The following PPP2R5C variants were observed in gnomAD, a reference collection of about 807,000 sequenced individuals.
The protein encoded by PPP2R5C is protein phosphatase 2 regulatory subunit B'gamma.
A neutral mutation model predicts 68.9 loss-of-function variants in PPP2R5C; 7 were observed. The ratio of observed to expected loss-of-function variants is 0.10; its 90% confidence interval spans 0.06 to 0.19. The LOEUF is 0.19. Ranked by LOEUF, PPP2R5C falls within the 10% of genes least tolerant of loss-of-function variation. The pLI, the probability that PPP2R5C is intolerant of heterozygous loss-of-function variation, is 1.00. For synonymous variants in PPP2R5C, 210 were observed against 222.2 expected, an observed-to-expected ratio of 0.95 and a Z score of 0.49; for missense variants, 348 against 641.3, an observed-to-expected ratio of 0.54 and a Z score of 4.94.
At chr14:101,836,421 T>C in intron 1 of PPP2R5C, 1 of 700,880 alleles carries the variant, frequency 1.4e-6, no homozygotes. Context: ...GCTGCTAGAA[T>C]CACACACACT....
At chr14:101,768,579 C>T (rs993947138) in intron 2 of PPP2R5C, among the ~76,000 whole-genome samples, 9 of 152,046 alleles carry the variant, frequency 5.9e-5, no homozygotes, top group Admixed American at 2.6e-4. Context: ...GTTTAACGTC[C>T]GGCTCCATCG....
At chr14:101,805,437 A>G (rs1051527346), upstream of PPP2R5C, among the ~76,000 whole-genome samples, 2 of 152,230 alleles carry the variant, frequency 1.3e-5, no homozygotes, top group African/African-American at 2.4e-5. Context: ...AGTTCTTCCA[A>G]ATATTACACA....
intron 2 of PPP2R5C, among the ~76,000 whole-genome samples, chr14:101,863,402 ATT>A (rs1002039361): frequency 6.7e-6 from 1 of 150,002 alleles, no homozygotes; most frequent in African/African-American, 2.5e-5. Flanking sequence ...CCAAGTTGGG[ATT>A]TTTTTTTTAA....
At chr14:101,832,087 T>C (rs1303585160) in intron 1 of PPP2R5C, among the ~76,000 whole-genome samples, 7 of 152,336 alleles carry the variant, frequency 4.6e-5, no homozygotes, top group Admixed American at 2.6e-4. Flanking sequence ...GTCCTCATAA[T>C]GAAAAGGAGC....
intron 2 of PPP2R5C, chr14:101,765,197 C>T (rs1479838292): frequency 1.4e-6 from 1 of 702,798 alleles, no homozygotes; most frequent in South Asian, 1.5e-5. Flanking sequence ...GAAATTACCA[C>T]TGAAAACACT....
upstream of PPP2R5C, among the ~76,000 whole-genome samples, chr14:101,805,374 G>A (rs891747685): frequency 2.0e-5 from 3 of 152,206 alleles, no homozygotes; most frequent in African/African-American, 7.2e-5. Flanking sequence ...CCGGCCCTGT[G>A]CACTGTCAGT....
In PPP2R5C at chr14:101,882,604, G is replaced by T. The variant is rs1362420100; in HGVS notation, c.405+333G>T. 5.0e-6 allele frequency: 1 copy of T among 199,070 alleles called. No individual in the cohort carries two copies. Among genetic ancestry groups the T allele is most frequent in the African/African-American group, 2.3e-5 (1 of 42,956 alleles). The allele number at this position is 199,070 out of a possible 1,614,324, so 12.3% of individuals were successfully genotyped here. A position where few individuals can be genotyped will look rare whatever the true frequency, so the allele number is the denominator to read the frequency against. On this transcript the variant is annotated intron_variant, in intron 3 of 13. Coordinates refer to ENST00000334743, the Ensembl canonical transcript of PPP2R5C. The surrounding 1 kb of genome is among the most constrained non-coding windows in gnomAD (Gnocchi z 4.9). Reference sequence around the variant, plus strand: ...TGCTCCTCATATTTAATAGGTGCCTGCTGGGCCCCCAGGTCCTGCGCTGGC... The same window carrying T: ...TGCTCCTCATATTTAATAGGTGCCTTCTGGGCCCCCAGGTCCTGCGCTGGC...
At chr14:101,788,524 T>G (rs2038224850) in intron 3 of PPP2R5C, among the ~76,000 whole-genome samples, 1 of 152,234 alleles carries the variant, frequency 6.6e-6, no homozygotes, top group South Asian at 2.1e-4. Context: ...ACATCTGTTT[T>G]CTATTCTCAA....
intron 2 of PPP2R5C, among the ~76,000 whole-genome samples, chr14:101,785,761 C>T (rs571533375): frequency 2.5e-4 from 38 of 152,148 alleles, no homozygotes; most frequent in Non-Finnish European, 5.3e-4. Context: ...ACCACATCAA[C>T]CTATGTGGTA....
At chr14:101,774,355 G>A (rs2037307626) in intron 2 of PPP2R5C, among the ~76,000 whole-genome samples, 1 of 152,182 alleles carries the variant, frequency 6.6e-6, no homozygotes, top group Non-Finnish European at 1.5e-5. Flanking sequence ...TTTCTTTGGA[G>A]AATCCCTTTT....
At chr14:101,810,822 T>C (rs147608561) in intron 1 of PPP2R5C, among the ~76,000 whole-genome samples, 1,585 of 152,334 alleles carry the variant, frequency 0.01, 31 homozygotes, top group African/African-American at 0.037. Flanking sequence ...TAGTAATTAA[T>C]AGCGGTTATA....
In PPP2R5C at chr14:101,917,691, G is replaced by A; in HGVS notation, c.1327-140G>A. 1 of 1,107,164 alleles carries A rather than the reference G, an allele frequency of 9.0e-7. No homozygotes were observed. Among genetic ancestry groups the A allele is most frequent in the Non-Finnish European group, 1.3e-6 (1 of 775,414 alleles). The allele number at this position is 1,107,164 out of a possible 1,614,324, so 68.6% of individuals were successfully genotyped here. The stretch of plus-strand genomic sequence containing the variant: ...GCAGCCGCATCATGTTGCAGGTGTA[G>A]GCGAGTCTCCCACTGAGTGGGCTTC... On this transcript the variant is annotated intron_variant, in intron 12 of 13. Coordinates refer to ENST00000334743, the Ensembl canonical transcript of PPP2R5C. This position sits in a 1 kb window ranked among gnomAD's most constrained non-coding sequence, Gnocchi z 4.4.
At chr14:101,880,547 G>C (rs1242210747) in intron 2 of PPP2R5C, among the ~76,000 whole-genome samples, 1 of 152,228 alleles carries the variant, frequency 6.6e-6, no homozygotes, top group Non-Finnish European at 1.5e-5. Context: ...TCTAATTCCA[G>C]TACTTTGGGA....
At chr14:101,823,994 G>T (rs1020445708) in intron 1 of PPP2R5C, 36 of 1,289,000 alleles carry the variant, frequency 2.8e-5, no homozygotes, top group Non-Finnish European at 3.4e-5. Context: ...ACTTATCTGA[G>T]CCTTACATTG....
intron 2 of PPP2R5C, among the ~76,000 whole-genome samples, chr14:101,782,766 TC>T (rs1217382494): frequency 3.1e-4 from 1 of 3,232 alleles, no homozygotes; most frequent in Non-Finnish European, 6.1e-4. Flanking sequence ...TCCCTCTCTC[TC>T]CCCTCTCTCT....
chr14:101,876,222 C>G (rs2043767646), intron 2 of PPP2R5C, among the ~76,000 whole-genome samples: 1 of 152,176 alleles, frequency 6.6e-6, no homozygotes, highest in African/African-American at 2.4e-5. Flanking sequence ...CTCGTAGAAC[C>G]TAACAGTTCC....
In PPP2R5C at chr14:101,886,625, T is replaced by C. The variant is rs182453939; in HGVS notation, c.629+3063T>C. Among the ~76,000 whole-genome samples the C allele has an allele frequency of 8.5e-5, 13 of 152,282 alleles. No homozygotes were observed. The East Asian group carries it at 2.1e-3, about 25-fold the overall frequency. ...ATTCCGTGATTGGTTTGGGTCCTCATTGTCAATACCACTACCTCCTCATTT... is the reference window on the plus strand; with the variant it reads ...ATTCCGTGATTGGTTTGGGTCCTCACTGTCAATACCACTACCTCCTCATTT... On this transcript the variant is annotated intron_variant, in intron 5 of 13. Transcript: ENST00000334743.
At chr14:101,893,517 T>C (rs141744688) in intron 7 of PPP2R5C, among the ~76,000 whole-genome samples, 2,706 of 152,274 alleles carry the variant, frequency 0.018, 50 homozygotes, top group African/African-American at 0.04. Context: ...TTTGGGAGGC[T>C]GAGGCGGACA....
chr14:101,761,424 C>A (rs1279480648), upstream of PPP2R5C, among the ~76,000 whole-genome samples: 1 of 151,290 alleles, frequency 6.6e-6, no homozygotes, highest in Non-Finnish European at 1.5e-5. Context: ...GCCAGGAGGC[C>A]GCGGCCTGCC....
Sources: allele counts gnomAD v4.1 joint callset (sites outside exome capture counted in the v4.1 genomes callset), GRCh38; gene constraint gnomAD v4.1.1; non-coding constraint Gnocchi (gnomAD v3.1); transcripts MANE v1.5; gene names NCBI Gene and HGNC (gene_info 2026-07-23, HGNC 2026-07-21).